ADAMTS3: variants seen among roughly 807,000 people sequenced by gnomAD.
ADAMTS3 encodes ADAM metallopeptidase with thrombospondin type 1 motif 3, also known as A disintegrin and metalloproteinase with thrombospondin motifs 3.
ADAMTS3 carries 73 observed loss-of-function variants against 129.0 expected under a neutral mutation model. The ratio of observed to expected loss-of-function variants is 0.57; its 90% CI spans 0.47 to 0.69. The LOEUF is 0.69. Among genes scored for constraint, ADAMTS3 ranks in the 30% least tolerant of loss-of-function variants. The pLI is 0.00. For missense variants in ADAMTS3, 1,457 were observed against 1,514.5 expected (o/e 0.96, Z 0.63); for synonymous variants, 477 against 510.8 (o/e 0.93, Z 0.89).
At chr4:72,538,708 C>A (rs1292067618) in intron 3 of ADAMTS3, among the ~76,000 whole-genome samples, 1 of 151,926 alleles carries the variant, frequency 6.6e-6, no homozygotes, top group African/African-American at 2.4e-5. Flanking sequence ...CCAAAACAAA[C>A]CTGAGAAAAA....
At chr4:72,451,627 AG>A (rs1351038245) in intron 3 of ADAMTS3, among the ~76,000 whole-genome samples, 2 of 151,818 alleles carry the variant, frequency 1.3e-5, no homozygotes, top group South Asian at 4.1e-4. Flanking sequence ...AGGGGAAAAA[AG>A]TTTGTTACAC....
intron 17 of ADAMTS3, among the ~76,000 whole-genome samples, chr4:72,301,794 A>T (rs1354831412): frequency 6.6e-6 from 1 of 152,076 alleles, no homozygotes; most frequent in Admixed American, 6.6e-5. Context: ...CTTATTCCTG[A>T]CAAGGGCCAG....
intron 4 of ADAMTS3, among the ~76,000 whole-genome samples, chr4:72,408,209 T>C (rs1722098567): frequency 6.6e-6 from 1 of 152,194 alleles, no homozygotes; most frequent in Non-Finnish European, 1.5e-5. Context: ...GAGCCACATT[T>C]ATTTTTCCCA....
chr4:72,357,870 C>T (rs1359673593), intron 4 of ADAMTS3, among the ~76,000 whole-genome samples: 4 of 151,828 alleles, frequency 2.6e-5, no homozygotes, highest in Admixed American at 2.0e-4. Context: ...CTATCATATG[C>T]CAATGGCTTT....
At chr4:72,430,484 C>T (rs1429562946) in intron 3 of ADAMTS3, among the ~76,000 whole-genome samples, 2 of 151,928 alleles carry the variant, frequency 1.3e-5, no homozygotes, top group East Asian at 1.9e-4. Flanking sequence ...TCCAGAGAGC[C>T]CCCACACTCA....
At chr4:72,515,317 G>A (rs1178043056) in intron 3 of ADAMTS3, among the ~76,000 whole-genome samples, 2 of 151,204 alleles carry the variant, frequency 1.3e-5, no homozygotes, top group African/African-American at 2.4e-5. Flanking sequence ...TGTCTTTATA[G>A]CAGCATGATT....
chr4:72,415,887 G>A (rs1722291795), intron 3 of ADAMTS3, among the ~76,000 whole-genome samples: 1 of 151,502 alleles, frequency 6.6e-6, no homozygotes, highest in Non-Finnish European at 1.5e-5. Context: ...TTAAATATAA[G>A]CACATTTATT....
chr4:72,366,174 C>T (rs972051810), intron 4 of ADAMTS3, among the ~76,000 whole-genome samples: 2 of 152,172 alleles, frequency 1.3e-5, no homozygotes, highest in Admixed American at 1.3e-4. Flanking sequence ...ATAATAATAA[C>T]CACAAAATAG....
At chr4:72,492,890 A>C (rs2110016488) in intron 3 of ADAMTS3, among the ~76,000 whole-genome samples, 1 of 152,040 alleles carries the variant, frequency 6.6e-6, no homozygotes, top group East Asian at 1.9e-4. Context: ...CATTATCTAA[A>C]TATTTAGATG....
Position 72,454,810 on chromosome 4 carries a change from G to T in ADAMTS3, c.505-39839C>A, listed in dbSNP as rs79963256. Among the ~76,000 whole-genome samples the T allele has an allele frequency of 2.3e-3, 354 of 151,780 alleles. 1 individual carries two copies. The highest frequency in any genetic ancestry group is 8.2e-3 in the African/African-American group (340 of 41,494). ...TTTGAAGCCTATGAAGCCAGAATCT[G>T]GGCTGTGGACAAGTCTTCCAATCCT... On this transcript the variant is annotated intron_variant, in intron 3 of 21. Coordinates refer to ENST00000286657, the MANE Select transcript of ADAMTS3 (RefSeq NM_014243.3).
At position 72,549,950 on chromosome 4, in the gene ADAMTS3, TAAAAA is replaced by T. The variant is rs34598767; in HGVS notation, c.98-1071_98-1067del. Among the ~76,000 whole-genome samples the T allele has an allele frequency of 1.6e-4, 2 of 12,650 alleles. 1 individual carries two copies. The highest frequency in any genetic ancestry group is 1.0e-3 in the African/African-American group (2 of 1,990). 8.3% of individuals were successfully genotyped at this position (12,650 alleles called of 152,430 possible). A position where few individuals can be genotyped will look rare whatever the true frequency, so the allele number is the denominator to read the frequency against. On this transcript the variant is annotated intron_variant, in intron 2 of 21. Coordinates refer to ENST00000286657, the MANE Select transcript of ADAMTS3 (RefSeq NM_014243.3). ...GAAACAAGCAGCAGGGCAACAAGGG[TAAAAA>T]AAAAAAAAAGAAGAAGAAGAAGAAG...
In ADAMTS3 at chr4:72,468,512, G is replaced by A. The variant is rs913522377; in HGVS notation, c.505-53541C>T. Among the ~76,000 whole-genome samples, 3 of 151,830 alleles carry A rather than the reference G, an allele frequency of 2.0e-5. No homozygotes were observed. The East Asian group carries it at 5.8e-4, about 29-fold the overall frequency. On this transcript the variant is annotated intron_variant, in intron 3 of 21. Coordinates refer to ENST00000286657, the MANE Select transcript of ADAMTS3 (RefSeq NM_014243.3). ...CCCACATGGTAATTACATAAATAAG[G>A]AACTTGATGTATCAGTTATATTAAA...
rs764563860 is a variant in ADAMTS3 at position 72,298,282 on chromosome 4, C to T, written c.2585G>A (p.Gly862Asp). ...TAAATGTGTTCAATGGTTACCTCCA[C>T]CACAGGGTTTGGAACACTGAGACCA... Reference protein sequence around the residue: ...KSWSQCSKPCGGGFQYTKYGC... With the variant: ...KSWSQCSKPCDGGFQYTKYGC... Residue 862 changes from glycine (G) to aspartate (D), a missense_variant, in exon 18 of 22, where the codon GGT becomes GAT. Transcript: ENST00000286657. 8 of 1,611,610 alleles carry T rather than the reference C, an allele frequency of 5.0e-6. No individual in the cohort carries two copies. Among genetic ancestry groups the T allele is most frequent in the Non-Finnish European group, 6.8e-6 (8 of 1,178,606 alleles).
chr4:72,337,278 A>AT (rs139291781), intron 5 of ADAMTS3, among the ~76,000 whole-genome samples: 1 of 152,108 alleles, frequency 6.6e-6, no homozygotes, highest in African/African-American at 2.4e-5. Flanking sequence ...CTATTATCTA[A>AT]TTTTTTTAAT....
intron 3 of ADAMTS3, among the ~76,000 whole-genome samples, chr4:72,499,200 G>C (rs1204408759): frequency 1.3e-5 from 2 of 152,170 alleles, no homozygotes; most frequent in African/African-American, 4.8e-5. Flanking sequence ...TTTGTCTACA[G>C]TCTGTGAAAT....
chr4:72,529,888 TTA>T (rs1179629867), intron 3 of ADAMTS3, among the ~76,000 whole-genome samples: 1 of 68,654 alleles, frequency 1.5e-5, no homozygotes, highest in Non-Finnish European at 2.5e-5. Context: ...ATATAATATA[TTA>T]TATATTATAT....
intron 3 of ADAMTS3, among the ~76,000 whole-genome samples, chr4:72,520,574 G>T (rs551026707): frequency 1.3e-5 from 2 of 152,164 alleles, no homozygotes; most frequent in African/African-American, 4.8e-5. Flanking sequence ...CCTCGCTGCC[G>T]CCTTGCAGTT....
chr4:72,518,823 T>G (rs1256118157), intron 3 of ADAMTS3, among the ~76,000 whole-genome samples: 1 of 150,822 alleles, frequency 6.6e-6, no homozygotes, highest in African/African-American at 2.4e-5. Context: ...AATTGGAGCA[T>G]TTAGTCCATT....
chr4:72,336,638 C>T (rs1719996087), intron 5 of ADAMTS3, among the ~76,000 whole-genome samples: 2 of 152,152 alleles, frequency 1.3e-5, no homozygotes, highest in South Asian at 2.1e-4. Flanking sequence ...GTCTGCCTGA[C>T]TCCAGGGGGA....
Sources: gnomAD v4.1 joint callset for allele counts (sites outside exome capture counted in the v4.1 genomes callset) on GRCh38, gnomAD v4.1.1 for gene constraint, MANE v1.5 for transcripts, NCBI Gene and HGNC (gene_info 2026-07-23, HGNC 2026-07-21) for gene names.